Variants in ARHGEF3 observed in about 807,000 individuals in gnomAD.
ARHGEF3 encodes 59.8 kDA protein.
In ARHGEF3, 28 loss-of-function variants were observed where a neutral mutation model predicts 63.2. The ratio of observed to expected loss-of-function variants is 0.44; its 90% CI spans 0.33 to 0.61. ARHGEF3 has a LOEUF of 0.61. Among genes scored for constraint, ARHGEF3 ranks in the 20% least tolerant of loss-of-function variants. ARHGEF3 has a pLI of 0.03. For missense variants in ARHGEF3, 533 were observed against 659.3 expected, an observed-to-expected ratio of 0.81 and a Z score of 2.10; for synonymous variants, 266 against 254.2, an observed-to-expected ratio of 1.05 and a Z score of -0.44.
intron 4 of ARHGEF3, among the ~76,000 whole-genome samples, chr3:56,835,586 A>C (rs2039082369): frequency 6.6e-6 from 1 of 152,210 alleles, no homozygotes; most frequent in Admixed American, 6.5e-5. Flanking sequence ...TAACAGCATT[A>C]ATTCAGAGTA....
intron 4 of ARHGEF3, among the ~76,000 whole-genome samples, chr3:56,877,376 C>CTTTTT (rs755860299): frequency 4.4e-5 from 6 of 136,954 alleles, no homozygotes; most frequent in Admixed American, 7.5e-5. Context: ...TACTATAATC[C>CTTTTT]TTTTTTTTTT....
intron 3 of ARHGEF3, among the ~76,000 whole-genome samples, chr3:56,905,478 G>T (rs1396220878): frequency 1.3e-5 from 2 of 152,172 alleles, no homozygotes; most frequent in Non-Finnish European, 2.9e-5. Flanking sequence ...ATTTATTTAA[G>T]TCCCCATTGA....
chr3:57,041,733 T>A (rs1293531625), intron 1 of ARHGEF3, among the ~76,000 whole-genome samples: 1 of 152,144 alleles, frequency 6.6e-6, no homozygotes, highest in Non-Finnish European at 1.5e-5. Context: ...CAAACAACAG[T>A]CAGAGTTGTC....
intron 3 of ARHGEF3, among the ~76,000 whole-genome samples, chr3:56,890,015 T>C (rs914594430): frequency 2.6e-5 from 4 of 152,098 alleles, no homozygotes; most frequent in Non-Finnish European, 5.9e-5. Context: ...TGAGCCAAGG[T>C]CGCACCACTG....
chr3:56,996,905 T>TG (rs3037587), intron 2 of ARHGEF3, among the ~76,000 whole-genome samples: 5 of 120,006 alleles, frequency 4.2e-5, no homozygotes, highest in Admixed American at 3.9e-4. Context: ...TTTTTTTTTT[T>TG]GCAATTTGCT....
At chr3:56,831,915 T>C (rs2038945209) in intron 4 of ARHGEF3, among the ~76,000 whole-genome samples, 1 of 152,228 alleles carries the variant, frequency 6.6e-6, no homozygotes, top group Non-Finnish European at 1.5e-5. Flanking sequence ...GGCAAGAGGA[T>C]TTGTGTCTAG....
chr3:56,749,807 T>C (rs2034615784), intron 6 of ARHGEF3, among the ~76,000 whole-genome samples: 2 of 152,114 alleles, frequency 1.3e-5, no homozygotes, highest in Admixed American at 6.5e-5. Flanking sequence ...GGTGCTAAAA[T>C]TGACTCCTGA....
chr3:56,933,317 G>A (rs2042460749), intron 3 of ARHGEF3, among the ~76,000 whole-genome samples: 1 of 151,750 alleles, frequency 6.6e-6, no homozygotes, highest in African/African-American at 2.4e-5. Context: ...TACACAAAGA[G>A]CAAATGGTCC....
At chr3:56,990,103 C>T (rs1346351394) in intron 2 of ARHGEF3, among the ~76,000 whole-genome samples, 1 of 152,242 alleles carries the variant, frequency 6.6e-6, no homozygotes, top group East Asian at 1.9e-4. Flanking sequence ...CCATCTTCTT[C>T]CCTCCATTAT....
At chr3:56,922,767 A>G (rs1484395622) in intron 3 of ARHGEF3, among the ~76,000 whole-genome samples, 1 of 152,120 alleles carries the variant, frequency 6.6e-6, no homozygotes, top group South Asian at 2.1e-4. Flanking sequence ...TACTAGTTGA[A>G]TGACCTGGTA....
chr3:57,007,839 T>G (rs542142740), intron 2 of ARHGEF3, among the ~76,000 whole-genome samples: 1 of 152,342 alleles, frequency 6.6e-6, no homozygotes, highest in East Asian at 1.9e-4. Context: ...AATCAAACCC[T>G]GCCCCTCTCC....
chr3:56,779,271 A>T (rs2036431605), intron 1 of ARHGEF3, among the ~76,000 whole-genome samples: 1 of 152,130 alleles, frequency 6.6e-6, no homozygotes, highest in African/African-American at 2.4e-5. Context: ...TATATGAACA[A>T]AGGACATAAA....
chr3:56,768,158 G>A (rs2035812800), intron 2 of ARHGEF3, among the ~76,000 whole-genome samples: 1 of 152,082 alleles, frequency 6.6e-6, no homozygotes, highest in Non-Finnish European at 1.5e-5. Flanking sequence ...CTGGGTTCAA[G>A]CAATTCTGCC....
At chr3:56,737,874 C>T (rs2033736492) in intron 7 of ARHGEF3, among the ~76,000 whole-genome samples, 1 of 147,364 alleles carries the variant, frequency 6.8e-6, no homozygotes, top group Non-Finnish European at 1.5e-5. Flanking sequence ...GTTTGAATAT[C>T]TTTTTTTTTT....
At chr3:56,986,537 G>A (rs999925763) in intron 2 of ARHGEF3, among the ~76,000 whole-genome samples, 2 of 152,186 alleles carry the variant, frequency 1.3e-5, no homozygotes, top group Non-Finnish European at 2.9e-5. Context: ...GAGGCCGGAA[G>A]CAACAGCCCT....
chr3:56,921,053 T>A (rs2042120862), intron 3 of ARHGEF3, among the ~76,000 whole-genome samples: 5 of 33,194 alleles, frequency 1.5e-4, no homozygotes, highest in Non-Finnish European at 2.5e-4. Flanking sequence ...AGACTCCATC[T>A]CAAAAAAAAA....
At chr3:56,939,101 G>A (rs1240134085) in intron 3 of ARHGEF3, among the ~76,000 whole-genome samples, 1 of 152,168 alleles carries the variant, frequency 6.6e-6, no homozygotes, top group Non-Finnish European at 1.5e-5. Flanking sequence ...AGTCTATTCA[G>A]TGGGCCACAC....
intron 2 of ARHGEF3, among the ~76,000 whole-genome samples, chr3:57,004,046 C>T (rs1702369811): frequency 6.6e-6 from 1 of 152,204 alleles, no homozygotes; most frequent in Admixed American, 6.5e-5. Context: ...CAGTCCTTGC[C>T]CTCAAGGAGC....
At chr3:56,987,653 T>C (rs902559474) in intron 2 of ARHGEF3, among the ~76,000 whole-genome samples, 1 of 151,970 alleles carries the variant, frequency 6.6e-6, no homozygotes, top group African/African-American at 2.4e-5. Context: ...CAATCCTACA[T>C]AAACCTGGTA....
Sources: allele counts gnomAD v4.1 joint callset (sites outside exome capture counted in the v4.1 genomes callset), GRCh38; gene constraint gnomAD v4.1.1; transcripts MANE v1.5; gene names NCBI Gene and HGNC (gene_info 2026-07-23, HGNC 2026-07-21).